The following POC1A variants were observed in gnomAD, a reference collection of about 807,000 sequenced individuals.
The protein encoded by POC1A is POC1 centriolar protein A.
In POC1A, 34 loss-of-function variants were observed where a neutral mutation model predicts 47.8. That is an observed-to-expected ratio of 0.71 (90% CI 0.54 to 0.95). The LOEUF (loss-of-function observed/expected upper bound fraction) is 0.95. Among genes scored for constraint, POC1A ranks in the 40% least tolerant of loss-of-function variants. The pLI, the probability that POC1A is intolerant of heterozygous loss-of-function variation, is 0.00. For missense variants in POC1A, 466 were observed against 528.3 expected (o/e 0.88, Z 1.16); for synonymous variants, 177 against 207.6 (o/e 0.85, Z 1.27).
rs371461117 is a variant in POC1A at position 52,132,020 on chromosome 3, C to G, written c.813+6149G>C. 9.2e-5 allele frequency among the ~76,000 whole-genome samples: 14 copies of G among 152,294 alleles called. No homozygotes were observed. In the East Asian group the frequency reaches 2.5e-3, roughly 27 times the overall value. On this transcript the variant is annotated intron_variant, in intron 7 of 10. Coordinates refer to ENST00000296484, the MANE Select transcript of POC1A (RefSeq NM_015426.5). The stretch of plus-strand genomic sequence containing the variant: ...AAACTTCTAATGCCCTTTTAAAGAG[C>G]TCTCACCTAAAACGGCATGACATCA...
In POC1A at chr3:52,079,468, T is replaced by C. The variant is rs536335462; in HGVS notation, c.1126-3483A>G. Among the ~76,000 whole-genome samples the C allele has an allele frequency of 6.6e-4, 100 of 152,344 alleles. No homozygotes were observed. In the South Asian group the frequency reaches 0.019, roughly 29 times the overall value. On this transcript the variant is annotated intron_variant, in intron 10 of 10. Transcript: ENST00000296484. This position sits in a 1 kb window ranked among gnomAD's most constrained non-coding sequence, Gnocchi z 4.6. Reference sequence around the variant, plus strand: ...GCGGCCTCCCCGGGTCCACACTCCATGGCCTGGAAGCCACGACTTTCATTT... The same window carrying C: ...GCGGCCTCCCCGGGTCCACACTCCACGGCCTGGAAGCCACGACTTTCATTT...
intron 9 of POC1A, among the ~76,000 whole-genome samples, chr3:52,101,088 A>G (rs1324967925): frequency 2.1e-5 from 3 of 142,510 alleles, no homozygotes; most frequent in Non-Finnish European, 4.6e-5. Flanking sequence ...CCCAACCCTC[A>G]GCAAAAAAAA....
At chr3:52,094,468 G>A (rs1369544374) in intron 10 of POC1A, among the ~76,000 whole-genome samples, 2 of 152,274 alleles carry the variant, frequency 1.3e-5, no homozygotes, top group African/African-American at 2.4e-5. Flanking sequence ...GATAGCTCTG[G>A]CTGTGGCTGG....
At chr3:52,104,102 C>A (rs1559821940) in intron 9 of POC1A, among the ~76,000 whole-genome samples, 1 of 152,130 alleles carries the variant, frequency 6.6e-6, no homozygotes, top group African/African-American at 2.4e-5. Context: ...TGCTCACCAA[C>A]AGAACAAAAC....
intron 1 of POC1A, among the ~76,000 whole-genome samples, chr3:52,152,494 C>CAGG (rs1040570339): frequency 6.4e-4 from 98 of 152,100 alleles, no homozygotes; most frequent in African/African-American, 2.2e-3. Context: ...CGCTTGAACC[C>CAGG]AGGAGGAGGA....
chr3:52,111,652 TAA>T (rs59028696), intron 9 of POC1A, among the ~76,000 whole-genome samples: 18 of 95,168 alleles, frequency 1.9e-4, no homozygotes, highest in Non-Finnish European at 1.7e-4. Flanking sequence ...GTCTCAAAAT[TAA>T]AAAAAAAAAA....
At chr3:52,140,840 G>GT (rs35754030) in intron 6 of POC1A, among the ~76,000 whole-genome samples, 14,124 of 152,230 alleles carry the variant, frequency 0.093, 1,316 homozygotes, top group East Asian at 0.35. Flanking sequence ...AGGCCTCATC[G>GT]TAAGAACCAC....
intron 7 of POC1A, among the ~76,000 whole-genome samples, chr3:52,130,642 C>CATCAAA (rs1704177931): frequency 6.6e-6 from 1 of 152,204 alleles, no homozygotes; most frequent in Non-Finnish European, 1.5e-5. Context: ...ACCACCCAAG[C>CATCAAA]CAGGTGTGAC....
chr3:52,127,627 C>T (rs28387060), intron 7 of POC1A, among the ~76,000 whole-genome samples: 39,403 of 151,468 alleles, frequency 0.26, 6,350 homozygotes, highest in East Asian at 0.45. Flanking sequence ...TCTCCTGACC[C>T]CATGATCTGC....
intron 9 of POC1A, among the ~76,000 whole-genome samples, chr3:52,113,170 T>C (rs1703441605): frequency 6.6e-6 from 1 of 152,234 alleles, no homozygotes; most frequent in Non-Finnish European, 1.5e-5. Context: ...GCTGTCCTCA[T>C]GCTTATCAAA....
intron 2 of POC1A, 61 bp downstream of exon 2, chr3:52,150,955 A>C: frequency 7.0e-7 from 1 of 1,437,658 alleles, no homozygotes; most frequent in Non-Finnish European, 9.8e-7. Context: ...CACCCCTCCG[A>C]GGTAAAAACT....
At position 52,085,472 on chromosome 3, in the gene POC1A, C is replaced by T. The variant is rs559006634; in HGVS notation, c.1126-9487G>A. 3.3e-5 allele frequency among the ~76,000 whole-genome samples: 5 copies of T among 152,354 alleles called. 1 individual carries two copies. In the South Asian group the frequency reaches 1.0e-3, roughly 32 times the overall value. ...GCCAGACTCTGCGGCATGGCATTCC[C>T]GTGGCCCTCCAGGCCCTATGCTGCC... On this transcript the variant is annotated intron_variant, in intron 10 of 10. Coordinates refer to ENST00000296484, the MANE Select transcript of POC1A (RefSeq NM_015426.5).
intron 10 of POC1A, among the ~76,000 whole-genome samples, chr3:52,082,593 G>C (rs1381297522): frequency 6.6e-6 from 1 of 152,148 alleles, no homozygotes; most frequent in African/African-American, 2.4e-5. Flanking sequence ...ACTGTGATCT[G>C]TCCTATTGGG....
rs370238348 is a variant in POC1A at position 52,080,298 on chromosome 3, G to C, written c.1126-4313C>G. Reference sequence around the variant, plus strand: ...TCCCCATCAAGAATGCCAAAGGAGAGGCCTGCTGGTGTCCCATCCCACTTC... The same window carrying C: ...TCCCCATCAAGAATGCCAAAGGAGACGCCTGCTGGTGTCCCATCCCACTTC... On this transcript the variant is annotated intron_variant, in intron 10 of 10. Coordinates refer to ENST00000296484, the MANE Select transcript of POC1A (RefSeq NM_015426.5). Among the ~76,000 whole-genome samples, 27 of 152,244 alleles carry C rather than the reference G, an allele frequency of 1.8e-4. 1 individual carries two copies. The South Asian group carries it at 5.2e-3, about 29-fold the overall frequency.
chr3:52,083,362 G>A (rs1198385824), intron 10 of POC1A, among the ~76,000 whole-genome samples: 1 of 152,100 alleles, frequency 6.6e-6, no homozygotes, highest in African/African-American at 2.4e-5. Context: ...TGACTGACCT[G>A]GCTGCACCTC....
rs774982707 is a variant in POC1A at position 52,079,292 on chromosome 3, C to T, written c.1126-3307G>A. Reference sequence around the variant, plus strand: ...TGCTGCCTAGTGGCCCAACTCCCAGCGGGGCCCAGCCAAGCAGGCTGCTCT... The same window carrying T: ...TGCTGCCTAGTGGCCCAACTCCCAGTGGGGCCCAGCCAAGCAGGCTGCTCT... On this transcript the variant is annotated intron_variant, in intron 10 of 10. Transcript: ENST00000296484. The surrounding 1 kb of genome is among the most constrained non-coding windows in gnomAD (Gnocchi z 4.6). Among the ~76,000 whole-genome samples, 3 of 152,228 alleles carry T rather than the reference C, an allele frequency of 2.0e-5. No homozygotes were observed. The highest frequency in any genetic ancestry group is 7.2e-5 in the African/African-American group (3 of 41,456).
In POC1A at chr3:52,149,266, A is replaced by G; in HGVS notation, c.399T>C (p.His133=). The change falls in exon 4 of 11, where the codon CAT becomes CAC. Residue 133 remains histidine (H), a synonymous_variant. Transcript: ENST00000296484. ...TCAGGGAGAACAGGAATTTCTGGCGATGAGTTGCCCACACTTTGACTGTCT... is the reference window on the plus strand; with the variant it reads ...TCAGGGAGAACAGGAATTTCTGGCGGTGAGTTGCCCACACTTTGACTGTCT... ...DDKTVKVWAT[H]RQKFLFSLSQ... 2 of 1,614,218 alleles carry G rather than the reference A, an allele frequency of 1.2e-6. No individual in the cohort carries two copies. Among genetic ancestry groups the G allele is most frequent in the Non-Finnish European group, 1.7e-6 (2 of 1,180,028 alleles).
intron 7 of POC1A, 150 bp downstream of exon 7, chr3:52,138,019 C>A: frequency 1.2e-6 from 1 of 812,246 alleles, no homozygotes; most frequent in African/African-American, 1.7e-5. Context: ...GTCCCAGGCC[C>A]AGCAATCTGC....
At chr3:52,145,752 G>A in intron 6 of POC1A, 94 bp downstream of exon 6, 1 of 772,338 alleles carries the variant, frequency 1.3e-6, no homozygotes, top group South Asian at 1.6e-5. Flanking sequence ...GGCCATCTCA[G>A]ACCCATTTAA....
Sources: allele counts gnomAD v4.1 joint callset (sites outside exome capture counted in the v4.1 genomes callset), GRCh38; gene constraint gnomAD v4.1.1; non-coding constraint Gnocchi (gnomAD v3.1); transcripts MANE v1.5; gene names NCBI Gene and HGNC (gene_info 2026-07-23, HGNC 2026-07-21).